CNTNAP2: variants seen among roughly 807,000 people sequenced by gnomAD.
CNTNAP2 encodes the protein contactin associated protein 2.
CNTNAP2 carries 98 observed loss-of-function variants against 155.2 expected under a neutral mutation model. That is an observed-to-expected ratio of 0.63 (90% CI 0.54 to 0.75). The LOEUF is 0.75. CNTNAP2 is among the 30% of genes least tolerant of loss of function. The pLI is 0.00. For missense variants in CNTNAP2, 1,727 were observed against 1,688.1 expected (o/e 1.02, Z -0.40); for synonymous variants, 651 against 631.2 (o/e 1.03, Z -0.47).
intron 8 of CNTNAP2, among the ~76,000 whole-genome samples, chr7:147,193,960 T>C (rs1802731513): frequency 6.6e-6 from 1 of 151,944 alleles, no homozygotes; most frequent in Non-Finnish European, 1.5e-5. Flanking sequence ...TTGTTTTTTT[T>C]TTCTTCTAAA....
chr7:146,901,510 G>T (rs1469441751), intron 3 of CNTNAP2, among the ~76,000 whole-genome samples: 1 of 152,156 alleles, frequency 6.6e-6, no homozygotes, highest in Non-Finnish European at 1.5e-5. Context: ...ATATGTCCTA[G>T]AAAATGGAAT....
rs370226519 is a variant in CNTNAP2 at position 147,032,045 on chromosome 7, G to A, written c.403-11862G>A. Among the ~76,000 whole-genome samples, 135 of 152,302 alleles carry A rather than the reference G, an allele frequency of 8.9e-4. 1 individual carries two copies. The highest frequency in any genetic ancestry group is 6.8e-3 in the Middle Eastern group (2 of 294). On this transcript the variant is annotated intron_variant, in intron 3 of 23. Coordinates refer to ENST00000361727, the MANE Select transcript of CNTNAP2 (RefSeq NM_014141.6). ...AGACTAATTTCTGGGATAATAAAATGTTCTATATCTTGATAGGGAGTGAGG... is the reference window on the plus strand; with the variant it reads ...AGACTAATTTCTGGGATAATAAAATATTCTATATCTTGATAGGGAGTGAGG...
intron 1 of CNTNAP2, among the ~76,000 whole-genome samples, chr7:146,233,324 C>T (rs1329387341): frequency 6.6e-6 from 1 of 152,094 alleles, no homozygotes; most frequent in African/African-American, 2.4e-5. Flanking sequence ...TGACTATTTA[C>T]CTCATAAGCA....
At chr7:147,607,873 T>G (rs1001124619) in intron 12 of CNTNAP2, among the ~76,000 whole-genome samples, 1 of 152,238 alleles carries the variant, frequency 6.6e-6, no homozygotes, top group Non-Finnish European at 1.5e-5. Context: ...AAAGAATTTT[T>G]TAAAATATTG....
At chr7:147,683,721 C>A (rs114750014) in intron 13 of CNTNAP2, among the ~76,000 whole-genome samples, 1,441 of 143,574 alleles carry the variant, frequency 0.01, 29 homozygotes, top group African/African-American at 0.036. Flanking sequence ...GTTATGTACA[C>A]ACTCAAGCTT....
intron 3 of CNTNAP2, among the ~76,000 whole-genome samples, chr7:147,042,364 C>T (rs6951025): frequency 3.9e-5 from 6 of 152,038 alleles, no homozygotes; most frequent in South Asian, 2.1e-4. Context: ...TGTTTCAATG[C>T]GGAGGAAATC....
intron 3 of CNTNAP2, among the ~76,000 whole-genome samples, chr7:147,028,294 T>C (rs1367288788): frequency 6.6e-6 from 1 of 152,182 alleles, no homozygotes; most frequent in African/African-American, 2.4e-5. Flanking sequence ...CCTTGAAAGT[T>C]TGGATATGAA....
rs542462723 is a variant in CNTNAP2 at position 148,117,862 on chromosome 7, TTTAA to T, written c.2384-253_2384-250del. 2.2e-3 allele frequency among the ~76,000 whole-genome samples: 338 copies of T among 150,264 alleles called. 2 individuals are homozygous for T. The highest frequency in any genetic ancestry group is 7.8e-3 in the African/African-American group (323 of 41,246). ...AATTTATAGAAATTCTATATTAATA[TTTAA>T]TTTTATATAGATTGTATATATTAAT... On this transcript the variant is annotated intron_variant, in intron 15 of 23. Coordinates refer to ENST00000361727, the MANE Select transcript of CNTNAP2 (RefSeq NM_014141.6).
intron 11 of CNTNAP2, among the ~76,000 whole-genome samples, chr7:147,503,638 G>T (rs955001186): frequency 1.3e-5 from 2 of 150,452 alleles, no homozygotes; most frequent in Non-Finnish European, 3.0e-5. Flanking sequence ...TTTTTATTTT[G>T]TGAAATCTTG....
intron 10 of CNTNAP2, among the ~76,000 whole-genome samples, chr7:147,479,941 AATAAAATAAATAGAAGGCAGG>A (rs1798392741): frequency 6.6e-6 from 1 of 152,152 alleles, no homozygotes; most frequent in Non-Finnish European, 1.5e-5. Flanking sequence ...TTTCTATTTG[AATAAAATAAATAGAAGGCAGG>A]ATAAAATAAA....
Position 146,596,047 on chromosome 7 carries a change from G to A in CNTNAP2, c.98-178224G>A, listed in dbSNP as rs1454735952. ...TTATCTAAGATGATTAGAAGCTGTG[G>A]ATAAATTAGTAGTAGGCCAATATAT... is the stretch of plus-strand genomic sequence containing the variant. On this transcript the variant is annotated intron_variant, in intron 1 of 23. Transcript: ENST00000361727. 2.0e-5 allele frequency among the ~76,000 whole-genome samples: 3 copies of A among 151,962 alleles called. No homozygotes were observed. The East Asian group carries it at 5.8e-4, about 29-fold the overall frequency.
chr7:148,309,359 C>T (rs1474221955), intron 21 of CNTNAP2, among the ~76,000 whole-genome samples: 1 of 152,194 alleles, frequency 6.6e-6, no homozygotes, highest in Non-Finnish European at 1.5e-5. Context: ...TGCCTTTAGG[C>T]TTGCAATTGG....
chr7:147,365,524 C>G (rs1796216552), intron 9 of CNTNAP2, among the ~76,000 whole-genome samples: 1 of 149,264 alleles, frequency 6.7e-6, no homozygotes. Context: ...TTCTACTATT[C>G]TATTTCCCCC....
intron 3 of CNTNAP2, among the ~76,000 whole-genome samples, chr7:147,021,830 T>G (rs1393571702): frequency 2.0e-5 from 3 of 152,222 alleles, no homozygotes; most frequent in Non-Finnish European, 2.9e-5. Flanking sequence ...TAACAATTTC[T>G]TATTTGCATT....
intron 15 of CNTNAP2, among the ~76,000 whole-genome samples, chr7:148,070,535 G>A (rs1273780640): frequency 1.3e-5 from 2 of 152,134 alleles, no homozygotes; most frequent in African/African-American, 4.8e-5. Context: ...TGGCCAATAT[G>A]GCAAAACCCT....
intron 1 of CNTNAP2, among the ~76,000 whole-genome samples, chr7:146,465,389 A>C (rs1034062363): frequency 3.9e-5 from 6 of 152,106 alleles, no homozygotes; most frequent in African/African-American, 1.4e-4. Context: ...AACAGTCAGA[A>C]ACCTACCCAG....
At chr7:146,500,685 C>G (rs1011321511) in intron 1 of CNTNAP2, among the ~76,000 whole-genome samples, 2 of 151,336 alleles carry the variant, frequency 1.3e-5, no homozygotes, top group Non-Finnish European at 1.5e-5. Context: ...GGCTTTGTTT[C>G]TTCCTTCTAA....
intron 9 of CNTNAP2, among the ~76,000 whole-genome samples, chr7:147,359,879 A>G (rs542843191): frequency 2.9e-4 from 44 of 151,868 alleles, no homozygotes; most frequent in Non-Finnish European, 4.7e-4. Context: ...CAAAACTCTT[A>G]CCTCTCCTAA....
At chr7:148,183,572 C>A (rs955545914) in intron 18 of CNTNAP2, among the ~76,000 whole-genome samples, 1 of 147,804 alleles carries the variant, frequency 6.8e-6, no homozygotes, top group African/African-American at 2.5e-5. Flanking sequence ...TCCTCGACCT[C>A]CTGGGCTCAA....
Sources: gnomAD v4.1 joint callset for allele counts (sites outside exome capture counted in the v4.1 genomes callset) on GRCh38, gnomAD v4.1.1 for gene constraint, MANE v1.5 for transcripts, NCBI Gene and HGNC (gene_info 2026-07-23, HGNC 2026-07-21) for gene names.